MYOZ3: variants seen among roughly 807,000 people sequenced by gnomAD.
The protein encoded by MYOZ3 is myozenin 3, also known as myozenin-3.
MYOZ3 carries 19 observed loss-of-function variants against 26.5 expected under a neutral mutation model. The ratio of observed to expected loss-of-function variants is 0.72; its 90% CI spans 0.50 to 1.05. The LOEUF is 1.05. Ranked by LOEUF, MYOZ3 falls within the 50% of genes least tolerant of loss-of-function variation. The pLI is 0.00. For synonymous variants in MYOZ3, 135 were observed against 138.8 expected, an observed-to-expected ratio of 0.97 and a Z score of 0.19; for missense variants, 322 against 337.1, an observed-to-expected ratio of 0.96 and a Z score of 0.35.
chr5:150,662,003 G>C (rs1476987205), intron 1 of MYOZ3, among the ~76,000 whole-genome samples: 1 of 152,222 alleles, frequency 6.6e-6, no homozygotes, highest in Non-Finnish European at 1.5e-5. Flanking sequence ...CGCAGTTACA[G>C]AGAAAGCCAG....
At chr5:150,676,647 T>A in intron 6 of MYOZ3, 60 bp from the exon 7 acceptor site, 1 of 1,547,982 alleles carries the variant, frequency 6.5e-7, no homozygotes, top group Non-Finnish European at 8.8e-7. Flanking sequence ...GATCCACATG[T>A]CAGTGTACTG....
chr5:150,671,018 A>T (rs1758898414), intron 3 of MYOZ3: 1 of 161,800 alleles, frequency 6.2e-6, no homozygotes, highest in Non-Finnish European at 1.3e-5. Context: ...TCTTCTTCCC[A>T]CCGGAGAAAG....
intron 2 of MYOZ3, among the ~76,000 whole-genome samples, chr5:150,666,322 T>C (rs1758808335): frequency 6.6e-6 from 1 of 151,960 alleles, no homozygotes. Flanking sequence ...TTTTTTAATA[T>C]AGAAATGGGG....
In MYOZ3 at chr5:150,678,764, C is replaced by G. The variant is rs1759057954; in HGVS notation, c.*1889C>G. 1 of 152,300 alleles carries G rather than the reference C, an allele frequency of 6.6e-6. No individual in the cohort carries two copies. Among genetic ancestry groups the G allele is most frequent in the Non-Finnish European group, 1.5e-5 (1 of 68,058 alleles). 9.4% of individuals were successfully genotyped at this position (152,300 alleles called of 1,614,324 possible). ...GTGCAGGGCACATTTATAATAAGAG[C>G]TCAGTCAATGGTAGGTTTCATGCAA... On this transcript the variant is annotated 3_prime_UTR_variant, in exon 7 of 7. Transcript: ENST00000517768.
At chr5:150,668,678 C>T (rs1758845314) in intron 2 of MYOZ3, among the ~76,000 whole-genome samples, 1 of 152,216 alleles carries the variant, frequency 6.6e-6, no homozygotes, top group African/African-American at 2.4e-5. Flanking sequence ...TCTCACCTGC[C>T]AAGGTCCTCA....
chr5:150,662,750 C>G (rs1354728089), intron 1 of MYOZ3, among the ~76,000 whole-genome samples, 191 bp from the exon 2 acceptor site: 1 of 152,242 alleles, frequency 6.6e-6, no homozygotes, highest in African/African-American at 2.4e-5. Flanking sequence ...GCACCTCCCT[C>G]TCGTTCCCTG....
chr5:150,661,810 C>T (rs938906244), intron 1 of MYOZ3, among the ~76,000 whole-genome samples: 3 of 152,078 alleles, frequency 2.0e-5, no homozygotes, highest in Admixed American at 6.5e-5. Flanking sequence ...CGGTTGTGAT[C>T]GAGGCATTCT....
chr5:150,661,725 C>T (rs756332318), intron 1 of MYOZ3, among the ~76,000 whole-genome samples: 10 of 152,124 alleles, frequency 6.6e-5, no homozygotes, highest in Non-Finnish European at 1.2e-4. Flanking sequence ...AATGAGAGAC[C>T]CTTCCCAGCA....
chr5:150,667,918 G>T (rs1758834259), intron 2 of MYOZ3, among the ~76,000 whole-genome samples: 1 of 152,150 alleles, frequency 6.6e-6, no homozygotes, highest in Non-Finnish European at 1.5e-5. Context: ...ATGCCACAAA[G>T]ATATTAGCAT....
At chr5:150,667,649 C>CAAACAAA (rs201205704) in intron 2 of MYOZ3, among the ~76,000 whole-genome samples, 1 of 151,942 alleles carries the variant, frequency 6.6e-6, no homozygotes, top group African/African-American at 2.4e-5. Context: ...AACAAACAAA[C>CAAACAAA]CCCTCTTGAT....
intron 2 of MYOZ3, among the ~76,000 whole-genome samples, chr5:150,669,341 C>G (rs10077899): frequency 5.3e-4 from 80 of 151,394 alleles, no homozygotes; most frequent in Non-Finnish European, 9.1e-4. Flanking sequence ...CAGCTACTCA[C>G]GAGCCTAAGG....
chr5:150,663,882 A>G (rs1243831743), intron 2 of MYOZ3, among the ~76,000 whole-genome samples: 1 of 151,420 alleles, frequency 6.6e-6, no homozygotes, highest in African/African-American at 2.4e-5. Context: ...GGTCCCAGCT[A>G]CTCAGGAGGC....
intron 6 of MYOZ3, among the ~76,000 whole-genome samples, chr5:150,675,372 C>T (rs1354604159): frequency 6.6e-6 from 1 of 150,952 alleles, no homozygotes; most frequent in Non-Finnish European, 1.5e-5. Context: ...TTTTCTTTTT[C>T]TTTTTTTTTC....
intron 1 of MYOZ3, among the ~76,000 whole-genome samples, chr5:150,661,729 C>T (rs1357499066): frequency 6.6e-6 from 1 of 152,186 alleles, no homozygotes; most frequent in Non-Finnish European, 1.5e-5. Flanking sequence ...AGAGACCCTT[C>T]CCAGCATCTG....
intron 2 of MYOZ3, among the ~76,000 whole-genome samples, chr5:150,667,584 T>C (rs962100570): frequency 6.6e-6 from 1 of 152,124 alleles, no homozygotes; most frequent in Non-Finnish European, 1.5e-5. Context: ...TATTGCATTG[T>C]CAAATGTTCC....
At chr5:150,667,964 TTAA>T (rs1467998071) in intron 2 of MYOZ3, among the ~76,000 whole-genome samples, 2 of 152,236 alleles carry the variant, frequency 1.3e-5, no homozygotes, top group Non-Finnish European at 2.9e-5. Flanking sequence ...TTGATACCAT[TTAA>T]TAAGCGGTCT....
chr5:150,673,366 A>C (rs956182990), intron 6 of MYOZ3: 2 of 152,274 alleles, frequency 1.3e-5, no homozygotes, highest in African/African-American at 2.4e-5. Flanking sequence ...TTTGAGACGG[A>C]GTCTCACACT....
chr5:150,663,868 C>G (rs538933539), intron 2 of MYOZ3, among the ~76,000 whole-genome samples: 1 of 151,794 alleles, frequency 6.6e-6, no homozygotes, highest in East Asian at 1.9e-4. Context: ...TGGCACATGC[C>G]TGTGGTCCCA....
At chr5:150,672,217 G>A in intron 5 of MYOZ3, 123 bp from the exon 6 acceptor site, 1 of 1,423,036 alleles carries the variant, frequency 7.0e-7, no homozygotes, top group South Asian at 1.2e-5. Flanking sequence ...CATTCCCGCC[G>A]TCCTCTCCCC....
Sources: allele counts gnomAD v4.1 joint callset (sites outside exome capture counted in the v4.1 genomes callset), GRCh38; gene constraint gnomAD v4.1.1; transcripts MANE v1.5; gene names NCBI Gene and HGNC (gene_info 2026-07-23, HGNC 2026-07-21).